ZMYM4: variants seen among roughly 807,000 people sequenced by gnomAD.
The protein encoded by ZMYM4 is zinc finger MYM-type protein 4.
ZMYM4 carries 31 observed loss-of-function variants against 183.2 expected under a neutral mutation model. The ratio of observed to expected loss-of-function variants is 0.17; its 90% CI spans 0.13 to 0.23. The LOEUF (loss-of-function observed/expected upper bound fraction) is 0.23. Among genes scored for constraint, ZMYM4 ranks in the 10% least tolerant of loss-of-function variants. The pLI, the probability that ZMYM4 is intolerant of heterozygous loss-of-function variation, is 1.00. For missense variants in ZMYM4, 1,273 were observed against 1,840.3 expected (o/e 0.69, Z 5.64); for synonymous variants, 592 against 631.2 (o/e 0.94, Z 0.93).
chr1:35,285,079 T>C (rs1000706368), intron 1 of ZMYM4, among the ~76,000 whole-genome samples: 8 of 152,210 alleles, frequency 5.3e-5, no homozygotes. Flanking sequence ...TTTTGATTAC[T>C]GTAGCTTTGT....
chr1:35,369,968 G>A, intron 5 of ZMYM4, 61 bp from the exon 6 acceptor site: 1 of 1,230,288 alleles, frequency 8.1e-7, no homozygotes, highest in Non-Finnish European at 1.2e-6. Context: ...TTGAATGTCT[G>A]GATGTCTTTA....
At position 35,389,850 on chromosome 1, in the gene ZMYM4, C is replaced by T; in HGVS notation, c.2437-98C>T. 2 of 1,242,784 alleles carry T rather than the reference C, an allele frequency of 1.6e-6. No individual in the cohort carries two copies. Among genetic ancestry groups the T allele is most frequent in the South Asian group, 3.1e-5 (2 of 64,258 alleles). 77.0% of individuals were successfully genotyped at this position (1,242,784 alleles called of 1,614,324 possible). ...ACAAACTAATTTTTTGATCTAAATT[C>T]TAAGTTAATTTCGTCACTTGTTATG... On this transcript the variant is annotated intron_variant, in intron 14 of 29. Transcript: ENST00000314607. The surrounding 1 kb of genome is among the most constrained non-coding windows in gnomAD (Gnocchi z 4.0).
At chr1:35,391,384 T>TA (rs1644702564) in intron 15 of ZMYM4, among the ~76,000 whole-genome samples, 2 of 152,300 alleles carry the variant, frequency 1.3e-5, no homozygotes, top group South Asian at 2.1e-4. Context: ...TGTCAGGACT[T>TA]ACTTATCTTA....
intron 1 of ZMYM4, among the ~76,000 whole-genome samples, chr1:35,290,177 A>G (rs1359656925): frequency 2.0e-5 from 3 of 152,178 alleles, no homozygotes; most frequent in Admixed American, 1.3e-4. Flanking sequence ...CATGTTGGCC[A>G]GGCTGGCCTT....
chr1:35,354,307 G>T (rs1479258490), intron 2 of ZMYM4, among the ~76,000 whole-genome samples: 1 of 152,154 alleles, frequency 6.6e-6, no homozygotes, highest in Non-Finnish European at 1.5e-5. Context: ...TCCATTAGAG[G>T]TATGTACTAT....
In ZMYM4 at chr1:35,370,431, C is replaced by T; in HGVS notation, c.985C>T (p.Leu329Phe). The T allele has an allele frequency of 1.3e-6, 2 of 1,482,676 alleles. No individual in the cohort carries two copies. Among genetic ancestry groups the T allele is most frequent in the Non-Finnish European group, 1.8e-6 (2 of 1,111,384 alleles). 91.8% of individuals were successfully genotyped at this position (1,482,676 alleles called of 1,614,324 possible). A position where few individuals can be genotyped will look rare whatever the true frequency, so the allele number is the denominator to read the frequency against. ...SLASSGMNKMLPSVPATAVRV... is the reference protein window; with the variant it reads ...SLASSGMNKMFPSVPATAVRV... Reference sequence around the variant, plus strand: ...GGCGTCATCTGGCATGAATAAAATGCTTCCTTCAGTTCCAGCCACAGCTGT... The same window carrying T: ...GGCGTCATCTGGCATGAATAAAATGTTTCCTTCAGTTCCAGCCACAGCTGT... Residue 329 changes from leucine (L) to phenylalanine (F), a missense_variant, in exon 7 of 30, where the codon CTT becomes TTT. Physicochemically the swap from Leu to Phe is conservative, Grantham distance 22. Around this residue, in one of 6 missense-constraint regions of ZMYM4, gnomAD observed 384 missense variants for 465.6 expected, o/e 0.82. Coordinates refer to ENST00000314607, the MANE Select transcript of ZMYM4 (RefSeq NM_005095.3).
intron 11 of ZMYM4, among the ~76,000 whole-genome samples, chr1:35,386,649 G>A (rs1644584548): frequency 6.6e-6 from 1 of 152,156 alleles, no homozygotes; most frequent in East Asian, 1.9e-4. Context: ...GTGTTTGCTA[G>A]GGCCTGGGTT....
chr1:35,335,482 C>T (rs1429194982), intron 2 of ZMYM4, among the ~76,000 whole-genome samples: 2 of 152,054 alleles, frequency 1.3e-5, no homozygotes, highest in Admixed American at 6.6e-5. Context: ...ACTCTTGATC[C>T]GTCCGCCTCT....
At position 35,415,478 on chromosome 1, in the gene ZMYM4, C is replaced by T. The variant is rs760934699; in HGVS notation, c.4073C>T (p.Ser1358Phe). Residue 1358 changes from serine to phenylalanine, a missense_variant, in exon 28 of 30, where the codon TCT becomes TTT. Ser to Phe is a radical substitution (Grantham distance 155). Transcript: ENST00000314607. The part of the protein sequence containing the change: ...PTILPNGYMF[S>F]RIEEEHLWEC... ...TTCTTCTGTCTAGGTTACATGTTCTCTCGCATTGAGGAAGAGCATTTGTGG... is the reference window on the plus strand; with the variant it reads ...TTCTTCTGTCTAGGTTACATGTTCTTTCGCATTGAGGAAGAGCATTTGTGG... 4 of 1,614,082 alleles carry T rather than the reference C, an allele frequency of 2.5e-6. No individual in the cohort carries two copies. The highest frequency in any genetic ancestry group is 1.7e-5 in the Admixed American group (1 of 60,008).
chr1:35,300,592 T>C (rs1370584246), intron 1 of ZMYM4, among the ~76,000 whole-genome samples: 1 of 152,204 alleles, frequency 6.6e-6, no homozygotes, highest in Non-Finnish European at 1.5e-5. Flanking sequence ...TAATTTTCTT[T>C]AGCCTTTTTT....
intron 2 of ZMYM4, among the ~76,000 whole-genome samples, chr1:35,340,502 G>C (rs1643158957): frequency 1.3e-5 from 2 of 151,862 alleles, no homozygotes; most frequent in Non-Finnish European, 2.9e-5. Flanking sequence ...CCCTGGTCTT[G>C]TTTTCCTGCA....
In ZMYM4 at chr1:35,405,062, C is replaced by T; in HGVS notation, c.3568C>T (p.Leu1190Phe). 6.2e-7 allele frequency: 1 copy of T among 1,613,890 alleles called. No homozygotes were observed. The highest frequency in any genetic ancestry group is 8.5e-7 in the Non-Finnish European group (1 of 1,179,900). ...KSIVAVEPRSLIQGAFQGCSV... is the reference protein window; with the variant it reads ...KSIVAVEPRSFIQGAFQGCSV... ...TATAGTGGCTGTGGAGCCCAGGAGTCTTATTCAAGGAGCCTTTCAAGGCTG... is the reference window on the plus strand; with the variant it reads ...TATAGTGGCTGTGGAGCCCAGGAGTTTTATTCAAGGAGCCTTTCAAGGCTG... Residue 1190 changes from leucine (L) to phenylalanine (F), a missense_variant, in exon 24 of 30, where the codon CTT (leucine) becomes TTT (phenylalanine). Physicochemically the swap from Leu to Phe is conservative, Grantham distance 22. Transcript: ENST00000314607.
chr1:35,283,003 TTTTTTTTTTTTTTG>T (rs1200351658), intron 1 of ZMYM4, among the ~76,000 whole-genome samples: 6 of 102,766 alleles, frequency 5.8e-5, no homozygotes, highest in African/African-American at 2.4e-4. Context: ...TTTTTTTTTT[TTTTTTTTTTTTTTG>T]AGACAGAGTG....
chr1:35,274,182 G>C (rs1639754312), intron 1 of ZMYM4, among the ~76,000 whole-genome samples: 1 of 152,036 alleles, frequency 6.6e-6, no homozygotes, highest in African/African-American at 2.4e-5. Flanking sequence ...TATGCAATGT[G>C]AATAATTTGC....
At chr1:35,273,882 A>C (rs1639736769) in intron 1 of ZMYM4, among the ~76,000 whole-genome samples, 1 of 152,190 alleles carries the variant, frequency 6.6e-6, no homozygotes, top group South Asian at 2.1e-4. Flanking sequence ...TGCTAAGTGA[A>C]AATGTAGACT....
At chr1:35,280,651 C>T (rs749868415) in intron 1 of ZMYM4, among the ~76,000 whole-genome samples, 1 of 152,212 alleles carries the variant, frequency 6.6e-6, no homozygotes, top group Non-Finnish European at 1.5e-5. Flanking sequence ...AATTCTTCCT[C>T]CTCTCTTTGA....
intron 1 of ZMYM4, among the ~76,000 whole-genome samples, chr1:35,279,584 C>T (rs1169817353): frequency 1.3e-5 from 2 of 152,166 alleles, no homozygotes; most frequent in Admixed American, 6.5e-5. Context: ...CCCAGTTAAT[C>T]GTTGTTTCCT....
At chr1:35,340,608 C>G (rs1178592203) in intron 2 of ZMYM4, among the ~76,000 whole-genome samples, 1 of 151,864 alleles carries the variant, frequency 6.6e-6, no homozygotes, top group Non-Finnish European at 1.5e-5. Context: ...CCCTCACATG[C>G]ATAGTTCACA....
intron 2 of ZMYM4, chr1:35,350,922 A>G: frequency 3.1e-6 from 2 of 650,256 alleles, no homozygotes; most frequent in Non-Finnish European, 5.5e-6. Flanking sequence ...TTATGCCCTT[A>G]TAGAGGGGGA....
Sources: allele counts gnomAD v4.1 joint callset (sites outside exome capture counted in the v4.1 genomes callset), GRCh38; gene constraint gnomAD v4.1.1; regional missense constraint gnomAD v4.1.1; non-coding constraint Gnocchi (gnomAD v3.1); transcripts MANE v1.5; gene names NCBI Gene and HGNC (gene_info 2026-07-23, HGNC 2026-07-21).